Variants in KLF15 observed in about 807,000 individuals in gnomAD.
KLF15 encodes the protein KLF transcription factor 15.
Under a neutral mutation model 24.6 loss-of-function variants are expected in KLF15, and 4 were observed. The observed-to-expected ratio is 0.16, with a 90% CI of 0.08 to 0.37. KLF15 has a LOEUF of 0.37. Among genes scored for constraint, KLF15 ranks in the 10% least tolerant of loss-of-function variants. KLF15 has a pLI of 1.00. For synonymous variants in KLF15, 246 were observed against 236.3 expected (o/e 1.04, Z -0.37); for missense variants, 496 against 560.6 (o/e 0.88, Z 1.16).
downstream of KLF15, among the ~76,000 whole-genome samples, chr3:126,339,655 G>A (rs1247941549): frequency 6.6e-6 from 1 of 152,162 alleles, no homozygotes; most frequent in Non-Finnish European, 1.5e-5. Flanking sequence ...AGGTTGACAT[G>A]TTCATTCCTC....
chr3:126,302,384 A>G, the KLF15 span, among the ~76,000 whole-genome samples: 2 of 152,220 alleles, frequency 1.3e-5, no homozygotes, highest in African/African-American at 4.8e-5. Flanking sequence ...ATAAATGTCC[A>G]TTAGGGCAAG....
At chr3:126,308,433 C>T in the KLF15 span, among the ~76,000 whole-genome samples, 1 of 143,084 alleles carries the variant, frequency 7.0e-6, no homozygotes, top group Non-Finnish European at 1.5e-5. Context: ...TACCCCAAGC[C>T]CTGCTGGCCG....
the KLF15 span, among the ~76,000 whole-genome samples, chr3:126,331,711 T>C: frequency 6.6e-6 from 1 of 152,016 alleles, no homozygotes; most frequent in Admixed American, 6.5e-5. Flanking sequence ...AGGTACCGGG[T>C]TTATCTCACT....
chr3:126,310,970 G>A, the KLF15 span, among the ~76,000 whole-genome samples: 6 of 152,060 alleles, frequency 3.9e-5, no homozygotes, highest in African/African-American at 7.2e-5. Context: ...CTTGTCCATC[G>A]CCACCGCGGC....
At chr3:126,303,522 C>T in the KLF15 span, among the ~76,000 whole-genome samples, 1 of 151,998 alleles carries the variant, frequency 6.6e-6, no homozygotes, top group African/African-American at 2.4e-5. Context: ...CTTTGTCCCT[C>T]TGTATGTAAT....
intron 2 of KLF15, among the ~76,000 whole-genome samples, chr3:126,350,019 G>A (rs1247668473): frequency 2.6e-5 from 4 of 152,214 alleles, no homozygotes; most frequent in Non-Finnish European, 4.4e-5. Context: ...GCTGCAAAGG[G>A]CTAGCCCTCC....
At chr3:126,293,446 C>G in the KLF15 span, among the ~76,000 whole-genome samples, 1 of 152,136 alleles carries the variant, frequency 6.6e-6, no homozygotes, top group Non-Finnish European at 1.5e-5. Flanking sequence ...GGAGCCTCCT[C>G]GGGGTCTGGG....
the KLF15 span, among the ~76,000 whole-genome samples, chr3:126,298,429 T>TATG: frequency 1.3e-5 from 2 of 151,224 alleles, no homozygotes; most frequent in Admixed American, 1.3e-4. Flanking sequence ...TGATTATTAT[T>TATG]ATTATTATTA....
chr3:126,341,607 A>T (rs756751295), downstream of KLF15, among the ~76,000 whole-genome samples: 43 of 152,066 alleles, frequency 2.8e-4, no homozygotes, highest in Non-Finnish European at 5.6e-4. Context: ...TCAGGATAGG[A>T]TGTCCATCCT....
downstream of KLF15, among the ~76,000 whole-genome samples, chr3:126,340,439 G>A (rs1165508614): frequency 2.6e-5 from 4 of 152,258 alleles, no homozygotes; most frequent in Admixed American, 6.5e-5. Flanking sequence ...GAGGCTGGGT[G>A]CCCTGTACTC....
chr3:126,321,949 C>A, the KLF15 span, among the ~76,000 whole-genome samples: 103,965 of 152,028 alleles, frequency 0.68, 36,051 homozygotes, highest in African/African-American at 0.81. Flanking sequence ...AGAGCAAATG[C>A]AGGCAAGTGA....
the KLF15 span, among the ~76,000 whole-genome samples, chr3:126,311,783 C>G: frequency 6.6e-6 from 1 of 152,202 alleles, no homozygotes; most frequent in Non-Finnish European, 1.5e-5. Flanking sequence ...GTCCTCTGCC[C>G]AGTGTTTGTC....
chr3:126,323,456 T>TAAC, the KLF15 span, among the ~76,000 whole-genome samples: 1 of 97,270 alleles, frequency 1.0e-5, no homozygotes, highest in African/African-American at 4.9e-5. Flanking sequence ...GTTATATATA[T>TAAC]ATATAACATA....
At chr3:126,341,115 C>T (rs6783805), downstream of KLF15, among the ~76,000 whole-genome samples, 63,112 of 151,994 alleles carry the variant, frequency 0.42, 13,603 homozygotes, top group Non-Finnish European at 0.47. Flanking sequence ...CTGCACTGTG[C>T]TGTACTCTCC....
the KLF15 span, among the ~76,000 whole-genome samples, chr3:126,333,917 T>A: frequency 3.3e-4 from 50 of 149,388 alleles, no homozygotes; most frequent in East Asian, 4.2e-3. Flanking sequence ...CCCAGATTCA[T>A]AAAGCAAGTC....
At chr3:126,324,922 T>G in the KLF15 span, among the ~76,000 whole-genome samples, 1 of 109,278 alleles carries the variant, frequency 9.2e-6, no homozygotes, top group East Asian at 2.7e-4. Flanking sequence ...ATGTGTCATC[T>G]AGCATTAGGT....
rs528600619 is a variant in KLF15, at chr3:126,356,617, G to C, written c.-26+620C>G. 6.6e-6 allele frequency among the ~76,000 whole-genome samples: 1 copy of C among 152,256 alleles called. No individual in the cohort carries two copies. The highest frequency in any genetic ancestry group is 2.1e-4 in the South Asian group (1 of 4,818). On this transcript the variant is annotated intron_variant, in intron 1 of 2. Transcript: ENST00000296233. The surrounding 1 kb of genome is among the most constrained non-coding windows in gnomAD (Gnocchi z 4.4). Reference sequence around the variant, plus strand: ...TCCTGTCGTGTGACTGCGTGTGCGGGGCGTGGTGCGCGGCAGCCGCTGTGG... The same window carrying C: ...TCCTGTCGTGTGACTGCGTGTGCGGCGCGTGGTGCGCGGCAGCCGCTGTGG...
the KLF15 span, among the ~76,000 whole-genome samples, chr3:126,316,645 C>T: frequency 1.4e-5 from 2 of 140,714 alleles, no homozygotes; most frequent in Non-Finnish European, 3.0e-5. Flanking sequence ...GTGCATGGGC[C>T]AGAGTAGGGA....
chr3:126,321,493 G>A, the KLF15 span, among the ~76,000 whole-genome samples: 1 of 152,252 alleles, frequency 6.6e-6, no homozygotes, highest in African/African-American at 2.4e-5. Context: ...TGCTACAGGA[G>A]GTATAGGGAC....
Sources: allele counts gnomAD v4.1 joint callset (sites outside exome capture counted in the v4.1 genomes callset), GRCh38; gene constraint gnomAD v4.1.1; non-coding constraint Gnocchi (gnomAD v3.1); transcripts MANE v1.5; gene names NCBI Gene and HGNC (gene_info 2026-07-23, HGNC 2026-07-21).